Variants in RANBP2 observed in about 807,000 individuals in gnomAD.
RANBP2 encodes RAN binding protein 2, also known as E3 SUMO-protein ligase RanBP2.
RANBP2 carries 57 observed loss-of-function variants against 303.6 expected under a neutral mutation model. The observed-to-expected ratio is 0.19, with a 90% confidence interval of 0.15 to 0.23. The LOEUF (loss-of-function observed/expected upper bound fraction) is 0.23. Ranked by LOEUF, RANBP2 falls within the 10% of genes least tolerant of loss-of-function variation. RANBP2 has a pLI of 1.00. For missense variants in RANBP2, 3,138 were observed against 3,780.8 expected (o/e 0.83, Z 4.46); for synonymous variants, 1,167 against 1,301.5 (o/e 0.90, Z 2.23).
chr2:108,888,894 T>C, the RANBP2 span, among the ~76,000 whole-genome samples: 1 of 152,050 alleles, frequency 6.6e-6, no homozygotes, highest in African/African-American at 2.4e-5. Context: ...ATTGTTTGAT[T>C]GTTACTTTGT....
chr2:109,271,017 A>ATTTACTATGTGTTCATGTG, the RANBP2 span, among the ~76,000 whole-genome samples: 2 of 152,124 alleles, frequency 1.3e-5, no homozygotes, highest in Non-Finnish European at 2.9e-5. Context: ...CTCATTGAAC[A>ATTTACTATGTGTTCATGTG]TTTACTATGT....
At chr2:109,171,313 C>G in the RANBP2 span, among the ~76,000 whole-genome samples, 1 of 152,052 alleles carries the variant, frequency 6.6e-6, no homozygotes, top group African/African-American at 2.4e-5. Context: ...ATATCTATTT[C>G]TTATCTATAG....
chr2:109,049,337 A>G, the RANBP2 span, among the ~76,000 whole-genome samples: 4 of 152,116 alleles, frequency 2.6e-5, no homozygotes, highest in Non-Finnish European at 5.9e-5. Context: ...TTCTCTCCCT[A>G]GCACTATTTT....
chr2:109,642,636 G>A, the RANBP2 span, among the ~76,000 whole-genome samples: 1 of 147,190 alleles, frequency 6.8e-6, no homozygotes, highest in Non-Finnish European at 1.5e-5. Context: ...GTAGGCAACA[G>A]AGCAAGACTC....
the RANBP2 span, among the ~76,000 whole-genome samples, chr2:109,670,739 C>T: frequency 2.0e-5 from 3 of 152,208 alleles, no homozygotes; most frequent in African/African-American, 7.2e-5. Context: ...TGCCCTCTTC[C>T]TCTGTGTTGC....
At chr2:108,735,445 T>C in intron 4 of RANBP2, 87 bp from the exon 5 acceptor site, 1 of 1,596,490 alleles carries the variant, frequency 6.3e-7, no homozygotes, top group South Asian at 1.1e-5. Context: ...AAACTAGACA[T>C]AGTGGAATGG....
chr2:109,117,353 G>A, the RANBP2 span, among the ~76,000 whole-genome samples: 10 of 152,314 alleles, frequency 6.6e-5, no homozygotes, highest in East Asian at 1.9e-4. Flanking sequence ...TGCCCCTCCC[G>A]CAGCCTCACT....
the RANBP2 span, among the ~76,000 whole-genome samples, chr2:109,149,979 T>TG: frequency 2.6e-5 from 4 of 152,186 alleles, no homozygotes; most frequent in Non-Finnish European, 5.9e-5. Flanking sequence ...TGAAGTCCCC[T>TG]GGGGAACCTC....
chr2:109,481,395 C>T, the RANBP2 span, among the ~76,000 whole-genome samples: 5 of 152,138 alleles, frequency 3.3e-5, no homozygotes, highest in Non-Finnish European at 4.4e-5. Flanking sequence ...TGGCAGCGTT[C>T]CTGCCCACAG....
At chr2:109,147,925 T>G in the RANBP2 span, among the ~76,000 whole-genome samples, 1 of 152,240 alleles carries the variant, frequency 6.6e-6, no homozygotes, top group Non-Finnish European at 1.5e-5. Flanking sequence ...AGTTCATCTC[T>G]TTAAATGAAG....
chr2:108,810,016 G>C, the RANBP2 span, among the ~76,000 whole-genome samples: 1 of 152,150 alleles, frequency 6.6e-6, no homozygotes, highest in African/African-American at 2.4e-5. Flanking sequence ...GTATTGGCCA[G>C]GGTGGTCTTG....
the RANBP2 span, among the ~76,000 whole-genome samples, chr2:109,435,468 G>A: frequency 2.0e-5 from 3 of 152,204 alleles, no homozygotes; most frequent in South Asian, 4.1e-4. Context: ...TGCCCCCATC[G>A]TGCTAGGAGG....
chr2:109,567,061 T>C, the RANBP2 span, among the ~76,000 whole-genome samples: 3 of 152,166 alleles, frequency 2.0e-5, no homozygotes, highest in Non-Finnish European at 4.4e-5. Flanking sequence ...ATAAAAGTGG[T>C]ATGAAAAATC....
chr2:109,226,529 C>A, the RANBP2 span, among the ~76,000 whole-genome samples: 1 of 152,174 alleles, frequency 6.6e-6, no homozygotes, highest in Non-Finnish European at 1.5e-5. Context: ...CTTTTTAAGT[C>A]CCTTTAAAGT....
chr2:108,797,543 G>GT, the RANBP2 span, among the ~76,000 whole-genome samples: 1 of 152,096 alleles, frequency 6.6e-6, no homozygotes, highest in Non-Finnish European at 1.5e-5. Flanking sequence ...AGGTGAGTGG[G>GT]TGGGGCCAAG....
rs374403460 is a variant in RANBP2, at chr2:108,751,969, A to G, written c.1730A>G (p.His577Arg). 1.2e-6 allele frequency: 2 copies of G among 1,611,880 alleles called. No homozygotes were observed. Among genetic ancestry groups the G allele is most frequent in the African/African-American group, 2.7e-5 (2 of 74,870 alleles). ...KHGLQPALLVHWAECLQKTGS... is the reference protein window; with the variant it reads ...KHGLQPALLVRWAECLQKTGS... The stretch of plus-strand genomic sequence containing the variant: ...GGCCTTCAACCTGCTCTGCTTGTAC[A>G]TTGGGCAGAATGCCTTCAGAAAACG... Residue 577 changes from histidine (H) to arginine (R), a missense_variant, in exon 12 of 29, where the codon CAT becomes CGT. Physicochemically the swap from His to Arg is conservative, Grantham distance 29 (BLOSUM62 0). Around this residue, in one of 20 missense-constraint regions of RANBP2, gnomAD observed 162 missense variants for 286.9 expected, o/e 0.56. Transcript: ENST00000283195.
At chr2:109,411,361 G>A in the RANBP2 span, among the ~76,000 whole-genome samples, 1 of 152,216 alleles carries the variant, frequency 6.6e-6, no homozygotes, top group Non-Finnish European at 1.5e-5. Flanking sequence ...GGTTAGCAGT[G>A]GCTGCTCATC....
intron 1 of RANBP2, chr2:108,720,016 G>A (rs539565466): frequency 0.033 from 32,775 of 985,260 alleles, 588 homozygotes; most frequent in Non-Finnish European, 0.037. Flanking sequence ...AGTTCTCGGG[G>A]GCTTGGGCAC....
chr2:109,476,056 A>G, the RANBP2 span, among the ~76,000 whole-genome samples: 1 of 152,230 alleles, frequency 6.6e-6, no homozygotes, highest in Non-Finnish European at 1.5e-5. Context: ...AGTTAGCAGT[A>G]CTGTACGGTA....
Sources: gnomAD v4.1 joint callset for allele counts (sites outside exome capture counted in the v4.1 genomes callset) on GRCh38, gnomAD v4.1.1 for gene constraint, gnomAD v4.1.1 regional missense constraint, MANE v1.5 for transcripts, NCBI Gene and HGNC (gene_info 2026-07-23, HGNC 2026-07-21) for gene names.